Variants in MARCHF4 observed in about 807,000 individuals in gnomAD.
MARCHF4 encodes the protein membrane associated ring-CH-type finger 4.
In MARCHF4, 14 loss-of-function variants were observed where a neutral mutation model predicts 43.9. The ratio of observed to expected loss-of-function variants is 0.32; its 90% confidence interval spans 0.21 to 0.50. MARCHF4 has a LOEUF of 0.50. Ranked by LOEUF, MARCHF4 falls within the 20% of genes least tolerant of loss-of-function variation. The probability of loss-of-function intolerance (pLI) is 0.98; values close to 1 mark genes in which losing one functional copy is unlikely to be tolerated. For synonymous variants in MARCHF4, 226 were observed against 213.3 expected, an observed-to-expected ratio of 1.06 and a Z score of -0.52; for missense variants, 468 against 536.7, an observed-to-expected ratio of 0.87 and a Z score of 1.27.
chr2:216,285,771 G>T (rs978778753), intron 1 of MARCHF4, among the ~76,000 whole-genome samples: 1 of 152,146 alleles, frequency 6.6e-6, no homozygotes, highest in African/African-American at 2.4e-5. Flanking sequence ...CTGGGGGAGG[G>T]GTGGAATTCC....
chr2:216,359,515 G>A (rs1328671881), intron 1 of MARCHF4, among the ~76,000 whole-genome samples: 1 of 152,094 alleles, frequency 6.6e-6, no homozygotes, highest in East Asian at 1.9e-4. Flanking sequence ...CACCCACCAG[G>A]AGGTTGCCTC....
chr2:216,313,024 T>C (rs1230333014), intron 1 of MARCHF4, among the ~76,000 whole-genome samples: 2 of 152,164 alleles, frequency 1.3e-5, no homozygotes, highest in Admixed American at 1.3e-4. Context: ...GTCTTACATT[T>C]AGTCTTTAAT....
Position 216,369,923 on chromosome 2 carries a change from G to T in MARCHF4, c.338C>A (p.Ser113Tyr). 3 of 1,611,318 alleles carry T rather than the reference G, an allele frequency of 1.9e-6. No individual in the cohort carries two copies. The highest frequency in any genetic ancestry group is 2.5e-6 in the Non-Finnish European group (3 of 1,178,702). ...GCCACCCCAGTCATCTTCCACAGAA[G>T]AAGGTGGCAAGGGGGGTGGAGGTGG... is the stretch of plus-strand genomic sequence containing the variant. ...PVPPPPPLPP[S>Y]SVEDDWGGPA... Residue 113 changes from serine (S) to tyrosine (Y), a missense_variant, in exon 1 of 4, where the codon TCT (serine) becomes TAT (tyrosine). Coordinates refer to ENST00000273067, the MANE Select transcript of MARCHF4 (RefSeq NM_020814.3).
rs757961845 is a variant in MARCHF4 at position 216,283,601 on chromosome 2, G to A, written c.645C>T (p.Ile215=). The A allele has an allele frequency of 5.6e-6, 9 of 1,609,160 alleles. No individual in the cohort carries two copies. Among genetic ancestry groups the A allele is most frequent in the African/African-American group, 1.3e-5 (1 of 74,836 alleles). Residue 215 remains isoleucine (I), a synonymous_variant, in exon 2 of 4, where the codon ATC becomes ATT. Coordinates refer to ENST00000273067, the MANE Select transcript of MARCHF4 (RefSeq NM_020814.3). ...GCAGAGGATTTTTTGTGCTTATGGC[G>A]ATGACGTGGTACTTGTAGTAGCACA... The part of the protein sequence containing the change: ...CELCYYKYHV[I]AISTKNPLQW...
intron 1 of MARCHF4, among the ~76,000 whole-genome samples, chr2:216,316,920 T>G (rs1379074496): frequency 2.6e-5 from 4 of 152,084 alleles, no homozygotes; most frequent in African/African-American, 9.7e-5. Context: ...TCCTTACATT[T>G]TGCTCAACAG....
chr2:216,331,287 A>G (rs1236191752), intron 1 of MARCHF4, among the ~76,000 whole-genome samples: 3 of 152,068 alleles, frequency 2.0e-5, no homozygotes, highest in Non-Finnish European at 2.9e-5. Flanking sequence ...GAAAAGCACA[A>G]TTTAAAAAAA....
rs576563818 is a variant in MARCHF4 at position 216,328,821 on chromosome 2, T to G, written c.516+40924A>C. Among the ~76,000 whole-genome samples the G allele has an allele frequency of 5.1e-4, 77 of 151,340 alleles. 1 individual carries two copies. The highest frequency in any genetic ancestry group is 1.0e-3 in the Non-Finnish European group (69 of 67,812). On this transcript the variant is annotated intron_variant, in intron 1 of 3. Transcript: ENST00000273067. ...GGGAGGCTGAGGCAGTTGTATCACC[T>G]GAGGTCAGGAGTTTGAGACCAGCCT... is the stretch of plus-strand genomic sequence containing the variant.
chr2:216,356,829 C>A (rs917984948), intron 1 of MARCHF4, among the ~76,000 whole-genome samples: 1 of 152,032 alleles, frequency 6.6e-6, no homozygotes, highest in Non-Finnish European at 1.5e-5. Flanking sequence ...TTGAGACCAG[C>A]CTGGCCAACA....
At chr2:216,358,614 T>C (rs1692535236) in intron 1 of MARCHF4, among the ~76,000 whole-genome samples, 1 of 152,200 alleles carries the variant, frequency 6.6e-6, no homozygotes, top group African/African-American at 2.4e-5. Context: ...ACTTATTGCA[T>C]GCTTAATGTG....
chr2:216,307,053 G>A (rs1222674844), intron 1 of MARCHF4, among the ~76,000 whole-genome samples: 1 of 151,910 alleles, frequency 6.6e-6, no homozygotes, highest in Non-Finnish European at 1.5e-5. Context: ...CTGTGCTCCA[G>A]GCCTCACCCT....
At chr2:216,348,283 C>T (rs1692351023) in intron 1 of MARCHF4, among the ~76,000 whole-genome samples, 1 of 152,106 alleles carries the variant, frequency 6.6e-6, no homozygotes, top group Non-Finnish European at 1.5e-5. Flanking sequence ...GTGATCCACC[C>T]TTTGATCGGC....
chr2:216,266,336 G>A (rs1222676685), intron 3 of MARCHF4, among the ~76,000 whole-genome samples: 1 of 152,072 alleles, frequency 6.6e-6, no homozygotes, highest in African/African-American at 2.4e-5. Context: ...CTGTGCCTGG[G>A]ACACATGTAA....
At chr2:216,342,597 G>C (rs956423278) in intron 1 of MARCHF4, among the ~76,000 whole-genome samples, 2 of 152,126 alleles carry the variant, frequency 1.3e-5, no homozygotes, top group African/African-American at 4.8e-5. Flanking sequence ...TGGAGAAGTG[G>C]GAATGGGGTA....
At chr2:216,361,578 G>C (rs1692580881) in intron 1 of MARCHF4, among the ~76,000 whole-genome samples, 1 of 152,142 alleles carries the variant, frequency 6.6e-6, no homozygotes, top group Admixed American at 6.5e-5. Context: ...ATCTGTCAGG[G>C]ACCTGGTGAT....
intron 1 of MARCHF4, among the ~76,000 whole-genome samples, chr2:216,298,703 T>A (rs1324371915): frequency 2.6e-5 from 4 of 152,184 alleles, no homozygotes; most frequent in African/African-American, 9.6e-5. Flanking sequence ...TAAATCAAAA[T>A]TTTCCTCATA....
At chr2:216,340,408 C>G (rs1365953456) in intron 1 of MARCHF4, among the ~76,000 whole-genome samples, 2 of 152,232 alleles carry the variant, frequency 1.3e-5, no homozygotes, top group Admixed American at 1.3e-4. Flanking sequence ...CTCCCTGGCT[C>G]TCCTCCTGCA....
intron 1 of MARCHF4, among the ~76,000 whole-genome samples, chr2:216,354,959 CTT>C (rs1256584490): frequency 1.5e-5 from 2 of 135,322 alleles, no homozygotes; most frequent in African/African-American, 5.9e-5. Flanking sequence ...TTCTTTCTTT[CTT>C]TCTTTCTTTC....
chr2:216,316,293 C>T (rs16855896), intron 1 of MARCHF4, among the ~76,000 whole-genome samples: 2,981 of 152,304 alleles, frequency 0.02, 99 homozygotes, highest in African/African-American at 0.067. Context: ...AGCCTTCCTG[C>T]TGAGAACATT....
intron 1 of MARCHF4, among the ~76,000 whole-genome samples, chr2:216,337,533 T>C (rs892396982): frequency 6.6e-6 from 1 of 152,238 alleles, no homozygotes. Context: ...TTTACCTGAA[T>C]TTTCTAAAAT....
Sources: gnomAD v4.1 joint callset for allele counts (sites outside exome capture counted in the v4.1 genomes callset) on GRCh38, gnomAD v4.1.1 for gene constraint, MANE v1.5 for transcripts, NCBI Gene and HGNC (gene_info 2026-07-23, HGNC 2026-07-21) for gene names.